NT5C3A: variants seen among roughly 807,000 people sequenced by gnomAD.
The protein encoded by NT5C3A is cytosolic 5'-nucleotidase 3A.
A neutral mutation model predicts 40.0 loss-of-function variants in NT5C3A; 23 were observed. The ratio of observed to expected loss-of-function variants is 0.58; its 90% CI spans 0.41 to 0.81. The LOEUF (loss-of-function observed/expected upper bound fraction) is 0.81. Ranked by LOEUF, NT5C3A falls within the 40% of genes least tolerant of loss-of-function variation. The pLI is 0.00. For missense variants in NT5C3A, 328 were observed against 403.0 expected (o/e 0.81, Z 1.59); for synonymous variants, 130 against 141.4 (o/e 0.92, Z 0.57).
chr7:33,045,608 C>T lies in NT5C3A; in HGVS notation c.138+16960G>A, dbSNP rs947785089. Reference sequence around the variant, plus strand: ...CCGAGTAGCTGGGACTACAGGCGTGCGCCACCACACCTGGCTAATTTTTGT... The same window carrying T: ...CCGAGTAGCTGGGACTACAGGCGTGTGCCACCACACCTGGCTAATTTTTGT... On this transcript the variant is annotated intron_variant, in intron 1 of 8. Coordinates refer to ENST00000610140, the MANE Select transcript of NT5C3A (RefSeq NM_001002010.5). Among the ~76,000 whole-genome samples the T allele has an allele frequency of 1.1e-4, 16 of 151,850 alleles. No individual in the cohort carries two copies. The South Asian group carries it at 1.9e-3, about 18-fold the overall frequency.
chr7:33,038,826 T>C (rs201930408), intron 1 of NT5C3A: 1 of 456,378 alleles, frequency 2.2e-6, no homozygotes, highest in Admixed American at 2.3e-5. Flanking sequence ...ACTTTGCCAA[T>C]GGTCATCTGT....
chr7:33,024,088 C>T lies in NT5C3A; in HGVS notation c.258G>A (p.Met86Ile), dbSNP rs368145233. 1 of 1,582,048 alleles carries T rather than the reference C, an allele frequency of 6.3e-7. No individual in the cohort carries two copies. Among genetic ancestry groups the T allele is most frequent in the South Asian group, 1.1e-5 (1 of 90,122 alleles). The stretch of plus-strand genomic sequence containing the variant: ...CTTTATATGAAAATCTACTGAGTGT[C>T]ATATCAAAGTCCGTTATTATCTGTA... ...AKLQIITDFD[M>I]TLSRFSYKGK... Residue 86 changes from methionine (M) to isoleucine (I), a missense_variant, in exon 3 of 9, where the codon ATG becomes ATA. Around this residue, in one of 3 missense-constraint regions of NT5C3A, gnomAD observed 280 missense variants for 317.2 expected, o/e 0.88. Transcript: ENST00000610140.
At chr7:33,025,500 A>C (rs576213777) in intron 2 of NT5C3A, among the ~76,000 whole-genome samples, 1 of 152,322 alleles carries the variant, frequency 6.6e-6, no homozygotes, top group South Asian at 2.1e-4. Context: ...TTGTTGATTT[A>C]ATTTACATGT....
intron 1 of NT5C3A, chr7:33,029,714 A>C: frequency 2.3e-6 from 3 of 1,285,174 alleles, no homozygotes; most frequent in Middle Eastern, 2.1e-4. Context: ...TTTCTGCTAC[A>C]CTAACAAATG....
chr7:33,053,205 G>A (rs577179314), intron 1 of NT5C3A, among the ~76,000 whole-genome samples: 6 of 151,816 alleles, frequency 4.0e-5, no homozygotes, highest in Admixed American at 3.3e-4. Flanking sequence ...GTTTTTTTTC[G>A]AGACAGAGTC....
In NT5C3A at chr7:33,053,021, A is replaced by G. The variant is rs1313165011; in HGVS notation, c.138+9547T>C. On this transcript the variant is annotated intron_variant, in intron 1 of 8. Coordinates refer to ENST00000610140, the MANE Select transcript of NT5C3A (RefSeq NM_001002010.5). ...TCTAGTTGTCATGGTTTATATAACCAGCTCTTAGGAGCCTTAGCCAGGTTG... is the reference window on the plus strand; with the variant it reads ...TCTAGTTGTCATGGTTTATATAACCGGCTCTTAGGAGCCTTAGCCAGGTTG... Among the ~76,000 whole-genome samples the G allele has an allele frequency of 3.3e-5, 5 of 152,190 alleles. No individual in the cohort carries two copies. In the East Asian group the frequency reaches 9.6e-4, roughly 29 times the overall value.
Position 33,022,804 on chromosome 7 carries a change from T to C in NT5C3A, c.308-705A>G, listed in dbSNP as rs754886123. Among the ~76,000 whole-genome samples the C allele has an allele frequency of 2.0e-5, 3 of 152,226 alleles. No homozygotes were observed. The East Asian group carries it at 5.8e-4, about 29-fold the overall frequency. Reference sequence around the variant, plus strand: ...GCATCTGCTATTAGTAATAATTTTATGTTGAGCTTAGTCACCATTATTTTT... The same window carrying C: ...GCATCTGCTATTAGTAATAATTTTACGTTGAGCTTAGTCACCATTATTTTT... On this transcript the variant is annotated intron_variant, in intron 3 of 8. Coordinates refer to ENST00000610140, the MANE Select transcript of NT5C3A (RefSeq NM_001002010.5).
intron 1 of NT5C3A, among the ~76,000 whole-genome samples, chr7:33,047,874 T>A (rs371970832): frequency 1.7e-4 from 26 of 152,076 alleles, no homozygotes; most frequent in African/African-American, 6.3e-4. Context: ...CAGACTGGAG[T>A]GCAGTGGTAT....
At chr7:33,062,294 T>C (rs1290666276) in intron 1 of NT5C3A, among the ~76,000 whole-genome samples, 3 of 152,220 alleles carry the variant, frequency 2.0e-5, no homozygotes, top group Non-Finnish European at 2.9e-5. Flanking sequence ...ATTTTCTGCC[T>C]TGTTCCTTCA....
chr7:33,028,501 A>G (rs1786070791), intron 1 of NT5C3A, among the ~76,000 whole-genome samples: 1 of 152,246 alleles, frequency 6.6e-6, no homozygotes, highest in Admixed American at 6.5e-5. Context: ...AGTACCTCAA[A>G]TCCAAGTTCT....
chr7:33,060,905 G>A (rs796958417), intron 1 of NT5C3A, among the ~76,000 whole-genome samples: 2 of 152,250 alleles, frequency 1.3e-5, no homozygotes, highest in African/African-American at 4.8e-5. Context: ...AAAGCTACTA[G>A]CAGGCTACAC....
At chr7:33,062,541 C>G (rs776245587) in intron 1 of NT5C3A, 27 bp downstream of exon 1, 10 of 1,601,594 alleles carry the variant, frequency 6.2e-6, no homozygotes, top group Non-Finnish European at 8.5e-6. Flanking sequence ...CTCGCGTGCT[C>G]TGGGCGCGCC....
intron 1 of NT5C3A, chr7:33,029,537 T>C (rs747909602): frequency 2.4e-5 from 15 of 619,994 alleles, no homozygotes; most frequent in African/African-American, 5.7e-5. Flanking sequence ...AACCAATCCA[T>C]TATGGTGAAA....
At chr7:33,062,201 A>T (rs1454347736) in intron 1 of NT5C3A, among the ~76,000 whole-genome samples, 1 of 152,076 alleles carries the variant, frequency 6.6e-6, no homozygotes, top group Non-Finnish European at 1.5e-5. Context: ...GCAGGGAGAG[A>T]AGGAGCCACC....
intron 1 of NT5C3A, among the ~76,000 whole-genome samples, chr7:33,053,759 T>C (rs1787464147): frequency 6.6e-6 from 1 of 152,034 alleles, no homozygotes; most frequent in South Asian, 2.1e-4. Flanking sequence ...AAGTATCCAG[T>C]TCAAAGGGGA....
intron 2 of NT5C3A, among the ~76,000 whole-genome samples, chr7:33,025,006 G>T (rs772139736): frequency 1.1e-4 from 16 of 152,190 alleles, no homozygotes; most frequent in African/African-American, 2.9e-4. Context: ...AGGTGTGGTG[G>T]CATGTGCCTG....
In NT5C3A at chr7:33,026,833, C is replaced by T. The variant is rs762977134; in HGVS notation, c.221G>A (p.Gly74Glu). ...ATTATTCACCTGAAGTTTGGCAGCTCCTCCTTTGATAAGACCACAGATAAT... is the reference window on the plus strand; with the variant it reads ...ATTATTCACCTGAAGTTTGGCAGCTTCTCCTTTGATAAGACCACAGATAAT... ...EEIICGLIKG[G>E]AAKLQIITDF... The change falls in exon 2 of 9, where the codon GGA becomes GAA. Residue 74 changes from glycine to glutamate, a missense_variant. This residue lies in a region of NT5C3A where 280 missense variants were observed against 317.2 expected (regional missense o/e 0.88). Coordinates refer to ENST00000610140, the MANE Select transcript of NT5C3A (RefSeq NM_001002010.5). 6.2e-7 allele frequency: 1 copy of T among 1,610,336 alleles called. No homozygotes were observed. Among genetic ancestry groups the T allele is most frequent in the Admixed American group, 1.7e-5 (1 of 59,992 alleles).
intron 3 of NT5C3A, 83 bp downstream of exon 3, chr7:33,023,954 CCA>C: frequency 2.5e-6 from 2 of 811,590 alleles, no homozygotes; most frequent in Non-Finnish European, 4.2e-6. Flanking sequence ...TTTTAAAAAC[CCA>C]GTTATCTCAC....
chr7:33,044,199 T>C (rs1224890747), intron 1 of NT5C3A, among the ~76,000 whole-genome samples: 1 of 152,104 alleles, frequency 6.6e-6, no homozygotes, highest in East Asian at 1.9e-4. Flanking sequence ...CAGCTAATTT[T>C]GTATGGGACA....
Sources: gnomAD v4.1 joint callset for allele counts (sites outside exome capture counted in the v4.1 genomes callset) on GRCh38, gnomAD v4.1.1 for gene constraint, gnomAD v4.1.1 regional missense constraint, MANE v1.5 for transcripts, NCBI Gene and HGNC (gene_info 2026-07-23, HGNC 2026-07-21) for gene names.